Variants in SLC38A8 observed in about 807,000 individuals in gnomAD.
SLC38A8 encodes the protein solute carrier family 38 member 8.
In SLC38A8, 65 loss-of-function variants were observed where a neutral mutation model predicts 46.0. That is an observed-to-expected ratio of 1.41 (90% CI 1.16 to 1.74). SLC38A8 has a LOEUF of 1.74. Among genes scored for constraint, SLC38A8 ranks in the 40% most tolerant of loss-of-function variants. SLC38A8 has a pLI of 0.00. For missense variants in SLC38A8, 998 were observed against 567.9 expected (o/e 1.76, Z -7.70); for synonymous variants, 447 against 243.7 (o/e 1.83, Z -7.77).
rs557896129 is a variant in SLC38A8 at position 84,025,335 on chromosome 16, C to T, written c.691-2446G>A. On this transcript the variant is annotated intron_variant, in intron 6 of 10. Coordinates refer to ENST00000299709, the MANE Select transcript of SLC38A8 (RefSeq NM_001080442.3). Reference sequence around the variant, plus strand: ...TCAGATCAGCTAGGTCTTCCCTCCGCGCCTCAGGGCCTTTGCTACTGCTGG... The same window carrying T: ...TCAGATCAGCTAGGTCTTCCCTCCGTGCCTCAGGGCCTTTGCTACTGCTGG... Among the ~76,000 whole-genome samples, 28 of 152,294 alleles carry T rather than the reference C, an allele frequency of 1.8e-4. No individual in the cohort carries two copies. In the South Asian group the frequency reaches 2.3e-3, roughly 12 times the overall value.
chr16:84,038,298 G>A (rs1359831108), intron 2 of SLC38A8, among the ~76,000 whole-genome samples: 5 of 150,862 alleles, frequency 3.3e-5, no homozygotes, highest in Admixed American at 2.0e-4. Flanking sequence ...GCCCCAAAGC[G>A]AGACTCCCTC....
intron 6 of SLC38A8, 58 bp downstream of exon 6, chr16:84,029,436 G>C (rs1335474909): frequency 1.9e-6 from 3 of 1,583,782 alleles, no homozygotes; most frequent in Non-Finnish European, 2.6e-6. Flanking sequence ...CAAGGGAGCA[G>C]AGAGTCACCC....
In SLC38A8 at chr16:84,017,177, T is replaced by TGGG; in HGVS notation, c.915_916insCCC (p.Ser305_Ile306insPro). 2.5e-6 allele frequency: 4 copies of TGGG among 1,614,014 alleles called. No homozygotes were observed. Among genetic ancestry groups the TGGG allele is most frequent in the Non-Finnish European group, 3.4e-6 (4 of 1,180,012 alleles). Reference sequence around the variant, plus strand: ...AGCACGATGGGGTAGACAGTTACGATGGAGACAGCAAAAAGGACCCGGGCC... The same window carrying TGGG: ...AGCACGATGGGGTAGACAGTTACGATGGGGGAGACAGCAAAAAGGACCCGGGCC... On this transcript the variant is annotated inframe_insertion, in exon 8 of 11. Transcript: ENST00000299709.
chr16:84,029,853 C>A (rs575874609), intron 5 of SLC38A8, among the ~76,000 whole-genome samples: 1 of 152,320 alleles, frequency 6.6e-6, no homozygotes, highest in East Asian at 1.9e-4. Flanking sequence ...GCTGCTGGCT[C>A]CCAGTGCGGT....
At chr16:84,015,906 T>C (rs2085019497) in intron 9 of SLC38A8, among the ~76,000 whole-genome samples, 1 of 152,216 alleles carries the variant, frequency 6.6e-6, no homozygotes, top group Non-Finnish European at 1.5e-5. Context: ...CTCGACCTCC[T>C]GACCTCAGGT....
chr16:84,015,639 G>C (rs1487008374), intron 9 of SLC38A8, among the ~76,000 whole-genome samples: 2 of 152,096 alleles, frequency 1.3e-5, no homozygotes, highest in East Asian at 1.9e-4. Flanking sequence ...CCTACGTCAA[G>C]AATGTCCATC....
intron 6 of SLC38A8, among the ~76,000 whole-genome samples, chr16:84,024,673 TG>T (rs2085140427): frequency 6.6e-6 from 1 of 152,004 alleles, no homozygotes; most frequent in Non-Finnish European, 1.5e-5. Context: ...CCTAGTTACT[TG>T]GGAGGCTAAG....
intron 2 of SLC38A8, among the ~76,000 whole-genome samples, chr16:84,037,971 G>C (rs1296882445): frequency 6.6e-6 from 1 of 151,960 alleles, no homozygotes; most frequent in Admixed American, 6.6e-5. Context: ...ACCACACCCA[G>C]CTAATTGTTT....
chr16:84,027,558 A>G (rs184181003), intron 6 of SLC38A8, among the ~76,000 whole-genome samples: 1 of 152,222 alleles, frequency 6.6e-6, no homozygotes, highest in East Asian at 1.9e-4. Flanking sequence ...TGATGACAGT[A>G]TGTGACCGTC....
At chr16:84,024,301 A>G (rs1332924567) in intron 6 of SLC38A8, among the ~76,000 whole-genome samples, 2 of 152,176 alleles carry the variant, frequency 1.3e-5, no homozygotes, top group Admixed American at 1.3e-4. Context: ...GTGCACACAT[A>G]CTTAGAATCT....
intron 4 of SLC38A8, 80 bp downstream of exon 4, chr16:84,033,248 C>G: frequency 6.3e-7 from 1 of 1,591,544 alleles, no homozygotes; most frequent in Middle Eastern, 1.7e-4. Flanking sequence ...CCCAGCTCCT[C>G]TGACCCCAGA....
At position 84,036,769 on chromosome 16, in the gene SLC38A8, G is replaced by C. The variant is rs769781795; in HGVS notation, c.321C>G (p.Cys107Trp). The C allele has an allele frequency of 1.2e-6, 2 of 1,614,224 alleles. No individual in the cohort carries two copies. The highest frequency in any genetic ancestry group is 1.1e-5 in the South Asian group (1 of 91,086). ...AGATCATGAGCAGGTTGAGGAGGAA[G>C]CAGGCCTCACACAGCTTCCCAATGG... ...GPAIGKLCEACFLLNLLMISV... is the reference protein window; with the variant it reads ...GPAIGKLCEAWFLLNLLMISV... The change falls in exon 3 of 11, where the codon TGC becomes TGG. Residue 107 changes from cysteine (C) to tryptophan (W), a missense_variant. By Grantham distance (215) the Cys-to-Trp change is radical (BLOSUM62 -2). Coordinates refer to ENST00000299709, the MANE Select transcript of SLC38A8 (RefSeq NM_001080442.3).
At chr16:84,040,668 G>A (rs767457265) in intron 2 of SLC38A8, among the ~76,000 whole-genome samples, 6 of 152,108 alleles carry the variant, frequency 3.9e-5, no homozygotes, top group Admixed American at 2.0e-4. Flanking sequence ...GTGCTGCCCC[G>A]TCACGTGCAC....
At chr16:84,038,068 C>T (rs896528472) in intron 2 of SLC38A8, among the ~76,000 whole-genome samples, 17 of 152,038 alleles carry the variant, frequency 1.1e-4, no homozygotes, top group Non-Finnish European at 2.2e-4. Context: ...CCCAGCACTT[C>T]GGGAGGCCAA....
At chr16:84,019,076 C>CA (rs199927945) in intron 7 of SLC38A8, among the ~76,000 whole-genome samples, 57 of 150,674 alleles carry the variant, frequency 3.8e-4, no homozygotes, top group African/African-American at 5.4e-4. Context: ...ACAATTTCTC[C>CA]AAAAAAAATT....
chr16:84,033,919 A>C (rs2151126631), intron 3 of SLC38A8, among the ~76,000 whole-genome samples: 1 of 151,540 alleles, frequency 6.6e-6, no homozygotes, highest in Non-Finnish European at 1.5e-5. Context: ...AGAACACATG[A>C]CCCCAAATGC....
chr16:84,024,092 C>T (rs1273212499), intron 6 of SLC38A8, among the ~76,000 whole-genome samples: 3 of 152,130 alleles, frequency 2.0e-5, no homozygotes, highest in Admixed American at 2.0e-4. Flanking sequence ...TACTACATGC[C>T]AGTAACAGCC....
At chr16:84,011,286 G>A (rs116017261) in intron 10 of SLC38A8, among the ~76,000 whole-genome samples, 2 of 152,222 alleles carry the variant, frequency 1.3e-5, no homozygotes, top group African/African-American at 2.4e-5. Context: ...TGTGAGCTCA[G>A]ATCAAGGAAC....
At chr16:84,026,033 C>A (rs1226923281) in intron 6 of SLC38A8, among the ~76,000 whole-genome samples, 1 of 152,266 alleles carries the variant, frequency 6.6e-6, no homozygotes, top group African/African-American at 2.4e-5. Context: ...ACCAGCACCT[C>A]AGCCCCATGG....
Sources: allele counts gnomAD v4.1 joint callset (sites outside exome capture counted in the v4.1 genomes callset), GRCh38; gene constraint gnomAD v4.1.1; transcripts MANE v1.5; gene names NCBI Gene and HGNC (gene_info 2026-07-23, HGNC 2026-07-21).